The following ITPRID2 variants were observed in gnomAD, a reference collection of about 807,000 sequenced individuals.
ITPRID2 encodes ITPR interacting domain containing 2.
A neutral mutation model predicts 124.3 loss-of-function variants in ITPRID2; 60 were observed. The observed-to-expected ratio is 0.48, with a 90% CI of 0.39 to 0.60. ITPRID2 has a LOEUF of 0.60. ITPRID2 is among the 20% of genes least tolerant of loss of function. ITPRID2 has a pLI of 0.00. For synonymous variants in ITPRID2, 521 were observed against 542.9 expected, an observed-to-expected ratio of 0.96 and a Z score of 0.56; for missense variants, 1,553 against 1,512.2, an observed-to-expected ratio of 1.03 and a Z score of -0.45.
At chr2:181,918,108 A>G (rs748656655) in intron 11 of ITPRID2, 16 of 171,676 alleles carry the variant, frequency 9.3e-5, no homozygotes, top group Non-Finnish European at 1.4e-4. Context: ...AATTTCCTTT[A>G]TTTTTCTTTA....
Position 181,901,930 on chromosome 2 carries a change from A to T in ITPRID2, c.877A>T (p.Asn293Tyr). 6.2e-7 allele frequency: 1 copy of T among 1,613,920 alleles called. No individual in the cohort carries two copies. The highest frequency in any genetic ancestry group is 8.5e-7 in the Non-Finnish European group (1 of 1,179,894). ...PPPLTRSNTA[N>Y]RLMKTLSKLN... Reference sequence around the variant, plus strand: ...ACCTTTAACTCGAAGTAACACTGCAAATCGTTTAATGAAAACACTCTCAAA... The same window carrying T: ...ACCTTTAACTCGAAGTAACACTGCATATCGTTTAATGAAAACACTCTCAAA... The change falls in exon 8 of 18, where the codon AAT (asparagine) becomes TAT (tyrosine). Residue 293 changes from asparagine to tyrosine, a missense_variant. By Grantham distance (143) the Asn-to-Tyr change is moderately radical (BLOSUM62 -2). Transcript: ENST00000431877.
chr2:181,929,593 G>T lies in ITPRID2; in HGVS notation c.*46G>T, dbSNP rs371343904. 11 of 1,612,760 alleles carry T rather than the reference G, an allele frequency of 6.8e-6. No homozygotes were observed. In the African/African-American group the frequency reaches 1.5e-4, roughly 22 times the overall value. On this transcript the variant is annotated 3_prime_UTR_variant, in exon 18 of 18. Transcript: ENST00000431877. ...TGGATCCTATTAGCTGTGTAATACTGGAATTATCAATGATATGCACTGGTG... is the reference window on the plus strand; with the variant it reads ...TGGATCCTATTAGCTGTGTAATACTTGAATTATCAATGATATGCACTGGTG...
intron 2 of ITPRID2, 73 bp from the exon 3 acceptor site, chr2:181,895,953 TTAAG>T (rs1692162735): frequency 4.1e-6 from 5 of 1,233,732 alleles, no homozygotes; most frequent in Non-Finnish European, 5.9e-6. Flanking sequence ...CTGTAACTCT[TTAAG>T]TAAGGCTGTG....
chr2:181,896,362 G>C lies in ITPRID2; in HGVS notation c.307+283G>C, dbSNP rs1490715684. On this transcript the variant is annotated intron_variant, in intron 3 of 17. Coordinates refer to ENST00000431877, the MANE Select transcript of ITPRID2 (RefSeq NM_001130445.3). The surrounding 1 kb of genome is among the most constrained non-coding windows in gnomAD (Gnocchi z 4.3). ...TGAATATATAATATGCAAATATAAG[G>C]AAAATACTTATTGAGTGAACAAAAG... Among the ~76,000 whole-genome samples, 1 of 151,860 alleles carries C rather than the reference G, an allele frequency of 6.6e-6. No individual in the cohort carries two copies. Among genetic ancestry groups the C allele is most frequent in the Non-Finnish European group, 1.5e-5 (1 of 67,816 alleles).
Position 181,901,399 on chromosome 2 carries a change from T to C in ITPRID2, c.713-367T>C, listed in dbSNP as rs80151456. ...CACCCTGCAAATTAGGTATAAAATA[T>C]ATGCTTACATGCATTTTCTTAGGAG... On this transcript the variant is annotated intron_variant, in intron 7 of 17. Transcript: ENST00000431877. Among the ~76,000 whole-genome samples, 462 of 152,314 alleles carry C rather than the reference T, an allele frequency of 3.0e-3. 3 individuals are homozygous for C. The highest frequency in any genetic ancestry group is 0.011 in the African/African-American group (441 of 41,578).
At position 181,915,456 on chromosome 2, in the gene ITPRID2, G is replaced by C; in HGVS notation, c.1816G>C (p.Gly606Arg). The stretch of plus-strand genomic sequence containing the variant: ...TCAGTGCAACACCATTGAGAATACA[G>C]GAACTAAACAGTCCACCTGTAGTCC... The part of the protein sequence containing the change: ...FPQCNTIENT[G>R]TKQSTCSPGD... Residue 606 changes from glycine to arginine, a missense_variant, in exon 11 of 18, where the codon GGA becomes CGA. Gly to Arg is a moderately radical substitution (Grantham distance 125). Transcript: ENST00000431877. 6.2e-7 allele frequency: 1 copy of C among 1,614,156 alleles called. No individual in the cohort carries two copies. The highest frequency in any genetic ancestry group is 8.5e-7 in the Non-Finnish European group (1 of 1,180,036).
At chr2:181,920,355 C>T (rs1026185584) in intron 14 of ITPRID2, among the ~76,000 whole-genome samples, 3 of 152,130 alleles carry the variant, frequency 2.0e-5, no homozygotes, top group African/African-American at 7.2e-5. Context: ...GACGGGAGAA[C>T]TAGAACATCC....
Position 181,928,221 on chromosome 2 carries a change from G to T in ITPRID2, c.3736G>T (p.Val1246Leu). The change falls in exon 17 of 18, where the codon GTA becomes TTA. Residue 1246 changes from valine (V) to leucine (L), a missense_variant. By Grantham distance (32) the Val-to-Leu change is conservative. Transcript: ENST00000431877. ...AATTGTAAGTGGACTTTTGGCAGCA[G>T]TATCTTCAAGTAAAGCGTCTAATTC... ...REIVSGLLAA[V>L]SSSKASNSKQ... is the part of the protein sequence containing the mutation. 2 of 1,550,908 alleles carry T rather than the reference G, an allele frequency of 1.3e-6. No homozygotes were observed. The highest frequency in any genetic ancestry group is 2.4e-5 in the South Asian group (2 of 83,944).
chr2:181,926,365 C>A (rs1418326231), intron 16 of ITPRID2, among the ~76,000 whole-genome samples: 3 of 151,982 alleles, frequency 2.0e-5, no homozygotes, highest in African/African-American at 7.3e-5. Context: ...ATACTTTATT[C>A]CAATAATGCC....
chr2:181,907,590 G>A lies in ITPRID2; in HGVS notation c.1414-2309G>A, dbSNP rs1693247769. Among the ~76,000 whole-genome samples, 1 of 151,916 alleles carries A rather than the reference G, an allele frequency of 6.6e-6. No individual in the cohort carries two copies. Among genetic ancestry groups the A allele is most frequent in the Non-Finnish European group, 1.5e-5 (1 of 67,994 alleles). On this transcript the variant is annotated intron_variant, in intron 8 of 17. Transcript: ENST00000431877. This position sits in a 1 kb window ranked among gnomAD's most constrained non-coding sequence, Gnocchi z 5.1. Reference sequence around the variant, plus strand: ...TTGGCTATTCTTGTTAATTATGAAAGGCTGCTTATAGCAAATGACCAGAAT... The same window carrying A: ...TTGGCTATTCTTGTTAATTATGAAAAGCTGCTTATAGCAAATGACCAGAAT...
intron 6 of ITPRID2, among the ~76,000 whole-genome samples, chr2:181,900,201 C>G (rs1363844352): frequency 6.6e-6 from 1 of 152,196 alleles, no homozygotes; most frequent in Non-Finnish European, 1.5e-5. Flanking sequence ...GTAAGCTCCT[C>G]CCTCGCTTCT....
At chr2:181,924,641 G>A (rs141288347) in intron 16 of ITPRID2, among the ~76,000 whole-genome samples, 5 of 152,242 alleles carry the variant, frequency 3.3e-5, no homozygotes, top group Middle Eastern at 3.4e-3. Flanking sequence ...TATCTGTCAG[G>A]CCTTTGTTTC....
intron 2 of ITPRID2, chr2:181,893,832 A>G (rs751217091): frequency 6.6e-6 from 1 of 152,224 alleles, no homozygotes; most frequent in Non-Finnish European, 1.5e-5. Context: ...TTAATGTGCT[A>G]TTGGTTCATT....
At chr2:181,927,234 G>T (rs1694929208) in intron 16 of ITPRID2, among the ~76,000 whole-genome samples, 1 of 152,184 alleles carries the variant, frequency 6.6e-6, no homozygotes, top group South Asian at 2.1e-4. Context: ...AATCAATTTG[G>T]CTGACAGGAA....
rs190027515 is a variant in ITPRID2 at position 181,902,678 on chromosome 2, T to C, written c.1413+212T>C. Among the ~76,000 whole-genome samples the C allele has an allele frequency of 1.3e-5, 2 of 152,220 alleles. No homozygotes were observed. Among genetic ancestry groups the C allele is most frequent in the Admixed American group, 1.3e-4 (2 of 15,278 alleles). Reference sequence around the variant, plus strand: ...GACAGTTCAGTAACTCCTCCAGATCTTTATCCACTAGTTGATATTTGAACC... The same window carrying C: ...GACAGTTCAGTAACTCCTCCAGATCCTTATCCACTAGTTGATATTTGAACC... On this transcript the variant is annotated intron_variant, in intron 8 of 17. Coordinates refer to ENST00000431877, the MANE Select transcript of ITPRID2 (RefSeq NM_001130445.3). The surrounding 1 kb of genome is among the most constrained non-coding windows in gnomAD (Gnocchi z 4.4).
Position 181,907,371 on chromosome 2 carries a change from G to A in ITPRID2, c.1414-2528G>A, listed in dbSNP as rs1693218688. Among the ~76,000 whole-genome samples the A allele has an allele frequency of 6.6e-6, 1 of 151,542 alleles. No individual in the cohort carries two copies. On this transcript the variant is annotated intron_variant, in intron 8 of 17. Coordinates refer to ENST00000431877, the MANE Select transcript of ITPRID2 (RefSeq NM_001130445.3). The surrounding 1 kb of genome is among the most constrained non-coding windows in gnomAD (Gnocchi z 5.1). ...TAAATGAAGTAACCCAAATGTGTGG[G>A]TTATTCTAAAGCTGTTTTTCATCTT...
At position 181,898,865 on chromosome 2, in the gene ITPRID2, T is replaced by C; in HGVS notation, c.365-15T>C. ...ACTAACAATTGTGCTCTACGTTTAT[T>C]GTTTTTACCTGTAGCCAACCACCTC... On this transcript the variant is annotated splice_polypyrimidine_tract_variant and intron_variant, in intron 4 of 17. Transcript: ENST00000431877. 6.3e-7 allele frequency: 1 copy of C among 1,594,972 alleles called. No homozygotes were observed. Among genetic ancestry groups the C allele is most frequent in the Non-Finnish European group, 8.6e-7 (1 of 1,163,276 alleles).
rs566723594 is a variant in ITPRID2, at chr2:181,899,547, A to G, written c.503+435A>G. ...ATTAAACCAAAGATCTTTCAAATAT[A>G]TAGTATAGCCAGGCCCAGTGGCTGA... On this transcript the variant is annotated intron_variant, in intron 6 of 17. Coordinates refer to ENST00000431877, the MANE Select transcript of ITPRID2 (RefSeq NM_001130445.3). Among the ~76,000 whole-genome samples, 45 of 152,330 alleles carry G rather than the reference A, an allele frequency of 3.0e-4. 1 individual carries two copies. The highest frequency in any genetic ancestry group is 1.0e-3 in the African/African-American group (43 of 41,582).
chr2:181,915,909 C>T lies in ITPRID2; in HGVS notation c.2269C>T (p.Arg757Ter). The T allele has an allele frequency of 1.2e-6, 2 of 1,614,182 alleles. No homozygotes were observed. The highest frequency in any genetic ancestry group is 1.7e-6 in the Non-Finnish European group (2 of 1,180,036). ...PVRVVSSVNV[R>*]LSPGKETRCS... is the part of the protein sequence containing the mutation. ...AAGGGTTGTGTCCTCTGTCAATGTT[C>T]GATTATCTCCAGGAAAAGAGACCAG... The change falls in exon 11 of 18, where the codon CGA (arginine) becomes TGA (stop). Residue 757 changes from arginine (R) to a stop codon, truncating the protein, a stop_gained. Coordinates refer to ENST00000431877, the MANE Select transcript of ITPRID2 (RefSeq NM_001130445.3). LOFTEE classifies it high-confidence loss of function.
Sources: gnomAD v4.1 joint callset for allele counts (sites outside exome capture counted in the v4.1 genomes callset) on GRCh38, gnomAD v4.1.1 for gene constraint, Gnocchi (gnomAD v3.1) non-coding constraint, MANE v1.5 for transcripts, NCBI Gene and HGNC (gene_info 2026-07-23, HGNC 2026-07-21) for gene names.